Variants in CLYBL observed in about 807,000 individuals in gnomAD.
CLYBL encodes the protein citramalyl-CoA lyase.
In CLYBL, 31 loss-of-function variants were observed where a neutral mutation model predicts 38.9. The ratio of observed to expected loss-of-function variants is 0.80; its 90% CI spans 0.60 to 1.08. The LOEUF (loss-of-function observed/expected upper bound fraction) is 1.08. Ranked by LOEUF, CLYBL falls within the 50% of genes least tolerant of loss-of-function variation. The pLI is 0.00. For synonymous variants in CLYBL, 171 were observed against 158.6 expected, an observed-to-expected ratio of 1.08 and a Z score of -0.59; for missense variants, 434 against 411.6, an observed-to-expected ratio of 1.05 and a Z score of -0.47.
chr13:99,722,867 A>G (rs1414353442), intron 1 of CLYBL, among the ~76,000 whole-genome samples: 2 of 152,252 alleles, frequency 1.3e-5, no homozygotes, highest in African/African-American at 2.4e-5. Flanking sequence ...ACACAGCATC[A>G]TTACCAAGAG....
At chr13:99,716,787 C>CTTTTTTTTTTTTTTTTTTTT (rs1260332084) in intron 1 of CLYBL, among the ~76,000 whole-genome samples, 3 of 100,914 alleles carry the variant, frequency 3.0e-5, no homozygotes, top group Non-Finnish European at 4.1e-5. Context: ...CTTTTCTTTT[C>CTTTTTTTTTTTTTTTTTTTT]TTTTTTTTTT....
chr13:99,761,584 T>C (rs2049166468), intron 1 of CLYBL, among the ~76,000 whole-genome samples: 2 of 152,242 alleles, frequency 1.3e-5, no homozygotes, highest in Admixed American at 1.3e-4. Flanking sequence ...ACACTTTGAT[T>C]GGTTCCATAT....
intron 1 of CLYBL, among the ~76,000 whole-genome samples, chr13:99,674,363 G>A (rs552114316): frequency 4.6e-5 from 7 of 151,986 alleles, no homozygotes; most frequent in South Asian, 4.2e-4. Flanking sequence ...TGTTGGCCAG[G>A]CTGGTCTCGA....
intron 1 of CLYBL, among the ~76,000 whole-genome samples, chr13:99,753,443 G>A (rs1253710133): frequency 6.6e-6 from 1 of 152,202 alleles, no homozygotes; most frequent in Non-Finnish European, 1.5e-5. Flanking sequence ...AAGATACAGT[G>A]CAGAGGTGCG....
At chr13:99,819,305 A>G (rs1444969474) in intron 2 of CLYBL, among the ~76,000 whole-genome samples, 1 of 149,992 alleles carries the variant, frequency 6.7e-6, no homozygotes, top group Non-Finnish European at 1.5e-5. Context: ...TGATTATGCC[A>G]CTGCACTCCA....
chr13:99,886,284 A>G (rs1018555672), intron 7 of CLYBL, among the ~76,000 whole-genome samples: 50 of 152,228 alleles, frequency 3.3e-4, no homozygotes, highest in African/African-American at 1.1e-3. Context: ...CTATGGAGAA[A>G]AAAGTCAAGT....
chr13:99,795,582 A>G (rs1268825452), intron 2 of CLYBL, among the ~76,000 whole-genome samples: 2 of 152,104 alleles, frequency 1.3e-5, no homozygotes, highest in African/African-American at 4.8e-5. Flanking sequence ...TGAGCCCAGG[A>G]TGTTGAGACT....
At position 99,607,569 on chromosome 13, in the gene CLYBL, A is replaced by AT. The variant is rs369993170; in HGVS notation, c.62+813dup. On this transcript the variant is annotated intron_variant, in intron 1 of 8. Transcript: ENST00000339105. ...TTGCCCATCGCCTAGGTACGTGCAC[A>AT]TACATGGTCTCATTTGGTTCCCTTG... Among the ~76,000 whole-genome samples the AT allele has an allele frequency of 3.9e-3, 591 of 152,318 alleles. 4 individuals are homozygous for AT. The highest frequency in any genetic ancestry group is 0.014 in the African/African-American group (572 of 41,562).
At chr13:99,651,013 T>G (rs913291352) in intron 1 of CLYBL, among the ~76,000 whole-genome samples, 2 of 152,226 alleles carry the variant, frequency 1.3e-5, no homozygotes, top group Non-Finnish European at 2.9e-5. Flanking sequence ...CTCATGCTGC[T>G]GCTTCTCCCT....
At chr13:99,746,425 A>G (rs924817655) in intron 1 of CLYBL, among the ~76,000 whole-genome samples, 1 of 149,620 alleles carries the variant, frequency 6.7e-6, no homozygotes, top group Non-Finnish European at 1.5e-5. Context: ...AGTTTAGTGG[A>G]TATTTCTGGT....
chr13:99,649,790 A>G (rs1262286101), intron 1 of CLYBL, among the ~76,000 whole-genome samples: 1 of 152,070 alleles, frequency 6.6e-6, no homozygotes, highest in African/African-American at 2.4e-5. Context: ...ACTTGAGCCC[A>G]GAAGTTGGAG....
intron 1 of CLYBL, among the ~76,000 whole-genome samples, chr13:99,691,586 TA>T (rs897611439): frequency 1.6e-4 from 23 of 145,458 alleles, no homozygotes; most frequent in South Asian, 6.5e-4. Context: ...CATTTTGACC[TA>T]AAAAAAAAAC....
intron 1 of CLYBL, among the ~76,000 whole-genome samples, chr13:99,624,283 A>T (rs1292000891): frequency 6.6e-6 from 1 of 152,258 alleles, no homozygotes; most frequent in East Asian, 1.9e-4. Context: ...ACAGTGCCTG[A>T]CACAGTAGGC....
chr13:99,784,681 T>TGCAG (rs1206149439), intron 2 of CLYBL, among the ~76,000 whole-genome samples: 1 of 152,024 alleles, frequency 6.6e-6, no homozygotes, highest in Admixed American at 6.6e-5. Flanking sequence ...CTTAAATTCC[T>TGCAG]GACCTCAGGT....
chr13:99,848,229 C>G (rs933585898), intron 2 of CLYBL, among the ~76,000 whole-genome samples: 1 of 152,158 alleles, frequency 6.6e-6, no homozygotes, highest in African/African-American at 2.4e-5. Context: ...CCCAAGGGCC[C>G]CAGGATCTGT....
chr13:99,732,596 T>A (rs1460935729), intron 1 of CLYBL, among the ~76,000 whole-genome samples: 1 of 152,250 alleles, frequency 6.6e-6, no homozygotes, highest in East Asian at 1.9e-4. Flanking sequence ...AATTTTGCTA[T>A]TTTAAATGAG....
At chr13:99,606,821 A>G in intron 1 of CLYBL, 64 bp downstream of exon 1, 4 of 1,309,806 alleles carry the variant, frequency 3.1e-6, no homozygotes, top group Non-Finnish European at 3.9e-6. Context: ...CTCCTGTTGC[A>G]GCCCCGCGGG....
chr13:99,717,271 C>A (rs1211750526), intron 1 of CLYBL, among the ~76,000 whole-genome samples: 2 of 150,728 alleles, frequency 1.3e-5, no homozygotes, highest in Non-Finnish European at 3.0e-5. Flanking sequence ...ACTAAAAATT[C>A]AAAAATTAGC....
At position 99,833,012 on chromosome 13, in the gene CLYBL, ATATATATATATATATATATTTTTTT is replaced by A. The variant is rs1566345689; in HGVS notation, c.250-25847_250-25823del. On this transcript the variant is annotated intron_variant, in intron 2 of 8. Transcript: ENST00000339105. ...AGTATATACATACATACATACATAT[ATATATATATATATATATATTTTTTT>A]TTTTTTTTTTTTTTTTTTTTTGAGA... Among the ~76,000 whole-genome samples the A allele has an allele frequency of 3.6e-4, 11 of 30,378 alleles. No individual in the cohort carries two copies. The East Asian group carries it at 4.0e-3, about 11-fold the overall frequency. 19.9% of individuals were successfully genotyped at this position (30,378 alleles called of 152,430 possible).
Sources: gnomAD v4.1 joint callset for allele counts (sites outside exome capture counted in the v4.1 genomes callset) on GRCh38, gnomAD v4.1.1 for gene constraint, MANE v1.5 for transcripts, NCBI Gene and HGNC (gene_info 2026-07-23, HGNC 2026-07-21) for gene names.